Variants in CD86 observed in about 807,000 individuals in gnomAD.
CD86 encodes the protein T-lymphocyte activation antigen CD86.
A neutral mutation model predicts 32.1 loss-of-function variants in CD86; 11 were observed. That is an observed-to-expected ratio of 0.34 (90% CI 0.22 to 0.57). The LOEUF is 0.57. CD86 is among the 20% of genes least tolerant of loss of function. The pLI is 0.86. For synonymous variants in CD86, 137 were observed against 135.3 expected, an observed-to-expected ratio of 1.01 and a Z score of -0.09; for missense variants, 359 against 398.4, an observed-to-expected ratio of 0.90 and a Z score of 0.84.
intron 2 of CD86, among the ~76,000 whole-genome samples, chr3:122,101,511 AAAATATAT>A (rs1470032781): frequency 4.0e-5 from 1 of 24,926 alleles, no homozygotes; most frequent in Admixed American, 6.0e-4. Context: ...AAAAAAAAAA[AAAATATAT>A]ATATATATAT....
intron 5 of CD86, among the ~76,000 whole-genome samples, chr3:122,110,114 T>A (rs1351992104): frequency 6.6e-6 from 1 of 152,226 alleles, no homozygotes; most frequent in African/African-American, 2.4e-5. Context: ...CTAATTTTGT[T>A]ATACTAAATG....
intron 2 of CD86, among the ~76,000 whole-genome samples, chr3:122,094,692 A>T (rs1189361963): frequency 2.7e-5 from 4 of 148,682 alleles, no homozygotes; most frequent in Non-Finnish European, 5.9e-5. Flanking sequence ...TGGCATAGAA[A>T]TAGCAATACA....
intron 5 of CD86, among the ~76,000 whole-genome samples, chr3:122,113,926 A>G (rs1481963220): frequency 6.6e-6 from 1 of 152,156 alleles, no homozygotes; most frequent in African/African-American, 2.4e-5. Context: ...GAGAGGGTAT[A>G]AGGAATTAAG....
chr3:122,058,929 G>T (rs185857292), intron 1 of CD86, among the ~76,000 whole-genome samples: 82 of 152,182 alleles, frequency 5.4e-4, no homozygotes, highest in Non-Finnish European at 9.4e-4. Flanking sequence ...CACCAGAATT[G>T]ACAGAATTTG....
At chr3:122,077,668 T>A in intron 1 of CD86, 1 of 550,704 alleles carries the variant, frequency 1.8e-6, no homozygotes, top group Non-Finnish European at 2.3e-6. Context: ...TCAGGGAAGG[T>A]GTCTTTGTCA....
chr3:122,076,705 TG>T (rs1208091796), intron 1 of CD86, among the ~76,000 whole-genome samples: 1 of 152,126 alleles, frequency 6.6e-6, no homozygotes, highest in Non-Finnish European at 1.5e-5. Flanking sequence ...AAGTAAGAAT[TG>T]GGAAAGTCTG....
chr3:122,118,115 T>C, intron 6 of CD86, 22 bp downstream of exon 6: 1 of 1,452,690 alleles, frequency 6.9e-7, no homozygotes, highest in African/African-American at 3.0e-5. Context: ...CCCTGAGACA[T>C]TGATGAGAGA....
chr3:122,119,563 AT>A lies in CD86; in HGVS notation c.*35del. ...AAGAGTAAAGCCCATACAAGTATTC[AT>A]TTTTTCTACCCTTTCCTTTGTAAGT... is the stretch of plus-strand genomic sequence containing the variant. On this transcript the variant is annotated 3_prime_UTR_variant, in exon 7 of 7. Coordinates refer to ENST00000330540, the MANE Select transcript of CD86 (RefSeq NM_175862.5). 1 of 1,365,164 alleles carries A rather than the reference AT, an allele frequency of 7.3e-7. No homozygotes were observed. Among genetic ancestry groups the A allele is most frequent in the Non-Finnish European group, 1.0e-6 (1 of 960,196 alleles). The allele number at this position is 1,365,164 out of a possible 1,614,324, so 84.6% of individuals were successfully genotyped here.
chr3:122,079,797 C>T (rs2072605463), intron 1 of CD86, among the ~76,000 whole-genome samples: 1 of 152,194 alleles, frequency 6.6e-6, no homozygotes, highest in Admixed American at 6.5e-5. Flanking sequence ...CATCACGGCC[C>T]TGAGACCTCA....
At chr3:122,105,753 T>C (rs141817591) in intron 3 of CD86, among the ~76,000 whole-genome samples, 19 of 152,174 alleles carry the variant, frequency 1.2e-4, no homozygotes, top group Middle Eastern at 3.4e-3. Context: ...ACGCAGGGCA[T>C]CTCAGCACCA....
chr3:122,071,708 C>T lies in CD86; in HGVS notation c.14+16205C>T, dbSNP rs947307517. Among the ~76,000 whole-genome samples, 23 of 151,316 alleles carry T rather than the reference C, an allele frequency of 1.5e-4. 1 individual carries two copies. In the South Asian group the frequency reaches 2.9e-3, roughly 19 times the overall value. On this transcript the variant is annotated intron_variant, in intron 1 of 6. Coordinates refer to ENST00000330540, the MANE Select transcript of CD86 (RefSeq NM_175862.5). Reference sequence around the variant, plus strand: ...AAACTATATCCCAAAGTAGTTTTACCATTTTGCATTCTTTTCTTTATTTTT... The same window carrying T: ...AAACTATATCCCAAAGTAGTTTTACTATTTTGCATTCTTTTCTTTATTTTT...
chr3:122,080,771 TAGA>T (rs1482802287), intron 1 of CD86, among the ~76,000 whole-genome samples: 1 of 152,210 alleles, frequency 6.6e-6, no homozygotes, highest in Admixed American at 6.5e-5. Context: ...CAGCCTAAGC[TAGA>T]AGGAGACATG....
At chr3:122,112,238 G>C (rs1559913881) in intron 5 of CD86, among the ~76,000 whole-genome samples, 1 of 152,166 alleles carries the variant, frequency 6.6e-6, no homozygotes, top group Non-Finnish European at 1.5e-5. Flanking sequence ...ACAAACCTAG[G>C]AGTCTCAGCT....
intron 1 of CD86, among the ~76,000 whole-genome samples, chr3:122,073,541 C>T (rs747263453): frequency 6.6e-6 from 1 of 152,084 alleles, no homozygotes; most frequent in Non-Finnish European, 1.5e-5. Context: ...ATACAATTTA[C>T]AGTAGCAGTA....
At chr3:122,068,949 A>G (rs950006854) in intron 1 of CD86, among the ~76,000 whole-genome samples, 4 of 152,204 alleles carry the variant, frequency 2.6e-5, no homozygotes, top group African/African-American at 9.6e-5. Context: ...AGAGAAGGAG[A>G]AGAGATATAT....
intron 2 of CD86, among the ~76,000 whole-genome samples, chr3:122,095,305 G>A (rs2072888931): frequency 6.6e-6 from 1 of 151,774 alleles, no homozygotes; most frequent in African/African-American, 2.4e-5. Flanking sequence ...CCAAGTAGCT[G>A]GGATTACACC....
intron 5 of CD86, among the ~76,000 whole-genome samples, chr3:122,117,364 A>G (rs536199095): frequency 6.6e-6 from 1 of 152,380 alleles, no homozygotes; most frequent in South Asian, 2.1e-4. Flanking sequence ...TCTATTTAGT[A>G]AAGACAGAAT....
At chr3:122,114,932 CTGAT>C (rs2073227619) in intron 5 of CD86, among the ~76,000 whole-genome samples, 1 of 152,166 alleles carries the variant, frequency 6.6e-6, no homozygotes. Context: ...TGATAGAAGA[CTGAT>C]TGCTTTTACC....
Position 122,118,033 on chromosome 3 carries a change from C to T in CD86, c.848-15C>T, listed in dbSNP as rs1273858527. 2.5e-6 allele frequency: 4 copies of T among 1,610,840 alleles called. No individual in the cohort carries two copies. On this transcript the variant is annotated splice_polypyrimidine_tract_variant and intron_variant, in intron 5 of 6. Transcript: ENST00000330540. The stretch of plus-strand genomic sequence containing the variant: ...GAGGAATACATTTTTGAAGATTGTT[C>T]TTGGTGTCTTTCAGGAACCAACACA...
Sources: gnomAD v4.1 joint callset for allele counts (sites outside exome capture counted in the v4.1 genomes callset) on GRCh38, gnomAD v4.1.1 for gene constraint, MANE v1.5 for transcripts, NCBI Gene and HGNC (gene_info 2026-07-23, HGNC 2026-07-21) for gene names.